The following NBAS variants were observed in gnomAD, a reference collection of about 807,000 sequenced individuals.
NBAS encodes the protein NBAS subunit of NRZ tethering complex.
In NBAS, 219 loss-of-function variants were observed where a neutral mutation model predicts 302.5. The ratio of observed to expected loss-of-function variants is 0.72; its 90% confidence interval spans 0.65 to 0.81. The LOEUF (loss-of-function observed/expected upper bound fraction) is 0.81. Ranked by LOEUF, NBAS falls within the 30% of genes least tolerant of loss-of-function variation. NBAS has a pLI of 0.00. For synonymous variants in NBAS, 1,118 were observed against 1,021.6 expected (o/e 1.09, Z -1.80); for missense variants, 2,932 against 2,841.6 (o/e 1.03, Z -0.72).
intron 40 of NBAS, among the ~76,000 whole-genome samples, chr2:15,300,658 C>T (rs1402433245): frequency 6.6e-6 from 1 of 152,198 alleles, no homozygotes; most frequent in Admixed American, 6.5e-5. Flanking sequence ...CTACAGTGGG[C>T]TAGGTCTGGT....
the NBAS span, among the ~76,000 whole-genome samples, chr2:14,895,297 GA>G: frequency 6.6e-6 from 1 of 152,022 alleles, no homozygotes; most frequent in African/African-American, 2.4e-5. Flanking sequence ...ACTTTGACAA[GA>G]AGGTAAATAT....
the NBAS span, among the ~76,000 whole-genome samples, chr2:14,822,316 GA>G: frequency 6.6e-6 from 1 of 151,974 alleles, no homozygotes; most frequent in Non-Finnish European, 1.5e-5. Context: ...ATTTTTCCCA[GA>G]AAAAAATTTG....
At chr2:15,446,867 C>T (rs1678774289) in intron 21 of NBAS, among the ~76,000 whole-genome samples, 1 of 137,984 alleles carries the variant, frequency 7.2e-6, no homozygotes. Context: ...ACTATAAACC[C>T]TAGAGCAACC....
At chr2:15,503,713 G>A (rs1397415428) in intron 11 of NBAS, among the ~76,000 whole-genome samples, 2 of 152,072 alleles carry the variant, frequency 1.3e-5, no homozygotes, top group Non-Finnish European at 2.9e-5. Flanking sequence ...GGGTCAGGAG[G>A]CACATTTCTT....
chr2:14,842,287 A>G, the NBAS span, among the ~76,000 whole-genome samples: 1 of 151,964 alleles, frequency 6.6e-6, no homozygotes, highest in Non-Finnish European at 1.5e-5. Context: ...AGCAAAAACC[A>G]TGAAAATCCA....
At chr2:14,806,560 C>T in the NBAS span, among the ~76,000 whole-genome samples, 1 of 152,152 alleles carries the variant, frequency 6.6e-6, no homozygotes, top group Non-Finnish European at 1.5e-5. Flanking sequence ...CCCTCAGAGT[C>T]CCCTAGAGAT....
At chr2:15,162,364 G>A (rs1027226000), downstream of NBAS, among the ~76,000 whole-genome samples, 9 of 152,180 alleles carry the variant, frequency 5.9e-5, no homozygotes, top group Non-Finnish European at 7.3e-5. Context: ...ACACATCCTA[G>A]CTCCCTCATC....
chr2:15,536,760 T>A lies in NBAS; in HGVS notation c.514-209A>T, dbSNP rs10929374. Among the ~76,000 whole-genome samples, 78,778 of 152,010 alleles carry A rather than the reference T, an allele frequency of 0.52. 23,398 individuals are homozygous for A. The highest frequency in any genetic ancestry group is 0.67 in the Non-Finnish European group (45,803 of 67,950). ...TAGACCAGCCCTCTCAGACCCAGGC[T>A]GAAACCACAGCAGCCCCTTTGAAGA... is the stretch of plus-strand genomic sequence containing the variant. On this transcript the variant is annotated intron_variant, in intron 7 of 51. Transcript: ENST00000281513.
chr2:14,969,706 G>A, the NBAS span, among the ~76,000 whole-genome samples: 4 of 152,168 alleles, frequency 2.6e-5, no homozygotes, highest in Admixed American at 2.0e-4. Flanking sequence ...ATGCAGTGGA[G>A]AAAGGTTAGT....
At chr2:15,158,085 G>A in the NBAS span, among the ~76,000 whole-genome samples, 4 of 152,128 alleles carry the variant, frequency 2.6e-5, no homozygotes, top group South Asian at 2.1e-4. Context: ...AGGCCATCCC[G>A]TGCACTGATT....
the NBAS span, among the ~76,000 whole-genome samples, chr2:14,857,444 C>T: frequency 5.1e-4 from 78 of 152,144 alleles, no homozygotes; most frequent in Non-Finnish European, 9.4e-4. Context: ...GCTATGGTAA[C>T]CAAAATGGCA....
the NBAS span, among the ~76,000 whole-genome samples, chr2:14,912,417 C>T: frequency 2.0e-5 from 3 of 152,080 alleles, no homozygotes; most frequent in African/African-American, 7.2e-5. Flanking sequence ...CATTACCTCA[C>T]CTCAAAGTAC....
At chr2:15,077,122 T>C in the NBAS span, among the ~76,000 whole-genome samples, 2 of 152,172 alleles carry the variant, frequency 1.3e-5, no homozygotes, top group African/African-American at 2.4e-5. Flanking sequence ...CAGTTCCATA[T>C]GGCTGGGGAG....
chr2:15,394,286 T>A lies in NBAS; in HGVS notation c.3198A>T (p.Gln1066His). ...EKPISFVKNT[Q>H]SSSEEARKLM... ...GCTTGCGTGCCTCTTCTGAGCTAGATTGAGTGTTTTTAACAAATGAAATTG... is the reference window on the plus strand; with the variant it reads ...GCTTGCGTGCCTCTTCTGAGCTAGAATGAGTGTTTTTAACAAATGAAATTG... The change falls in exon 28 of 52, where the codon CAA becomes CAT. Residue 1066 changes from glutamine (Q) to histidine (H), a missense_variant. Transcript: ENST00000281513. 6.2e-7 allele frequency: 1 copy of A among 1,613,216 alleles called. No homozygotes were observed. Among genetic ancestry groups the A allele is most frequent in the Non-Finnish European group, 8.5e-7 (1 of 1,179,428 alleles).
chr2:15,163,384 G>T (rs1255025786), downstream of NBAS, among the ~76,000 whole-genome samples: 2 of 152,198 alleles, frequency 1.3e-5, no homozygotes, highest in African/African-American at 4.8e-5. Context: ...TGGCCAACAA[G>T]AGATAAGAAG....
chr2:15,339,237 A>G lies in NBAS; in HGVS notation c.4180-8472T>C, dbSNP rs531977207. ...ATGAACCCACAAAGTAAGTTTACTG[A>G]ACACATAATTTGGCATGCCTACTAT... On this transcript the variant is annotated intron_variant, in intron 35 of 51. Transcript: ENST00000281513. Among the ~76,000 whole-genome samples the G allele has an allele frequency of 2.1e-3, 316 of 152,288 alleles. 2 individuals carry two copies. The highest frequency in any genetic ancestry group is 7.1e-3 in the African/African-American group (293 of 41,560).
At chr2:15,034,110 G>T in the NBAS span, among the ~76,000 whole-genome samples, 1 of 148,644 alleles carries the variant, frequency 6.7e-6, no homozygotes, top group African/African-American at 2.5e-5. Flanking sequence ...AGAAGGAGAA[G>T]AAGGAGAAGG....
At chr2:14,970,449 T>C in the NBAS span, among the ~76,000 whole-genome samples, 4 of 152,186 alleles carry the variant, frequency 2.6e-5, no homozygotes, top group Non-Finnish European at 5.9e-5. Context: ...ATAATGGGAA[T>C]AATAACAGCA....
the NBAS span, among the ~76,000 whole-genome samples, chr2:15,144,188 C>T: frequency 5.9e-5 from 9 of 151,816 alleles, no homozygotes; most frequent in African/African-American, 2.2e-4. Flanking sequence ...TATGCACACA[C>T]AGTGTCAAAA....
Sources: allele counts gnomAD v4.1 joint callset (sites outside exome capture counted in the v4.1 genomes callset), GRCh38; gene constraint gnomAD v4.1.1; transcripts MANE v1.5; gene names NCBI Gene and HGNC (gene_info 2026-07-23, HGNC 2026-07-21).